Variants in ANO10 observed in about 807,000 individuals in gnomAD.
ANO10 encodes the protein anoctamin 10.
Under a neutral mutation model 74.7 loss-of-function variants are expected in ANO10, and 77 were observed. The observed-to-expected ratio is 1.03, with a 90% CI of 0.86 to 1.25. ANO10 has a LOEUF of 1.25. Ranked by LOEUF, ANO10 falls within the 50% of genes most tolerant of loss-of-function variation. The pLI, the probability that ANO10 is intolerant of heterozygous loss-of-function variation, is 0.00. For synonymous variants in ANO10, 279 were observed against 284.9 expected (o/e 0.98, Z 0.21); for missense variants, 721 against 778.1 (o/e 0.93, Z 0.87).
chr3:43,490,313 TAA>T (rs2076671667), intron 11 of ANO10, among the ~76,000 whole-genome samples: 1 of 152,166 alleles, frequency 6.6e-6, no homozygotes, highest in Non-Finnish European at 1.5e-5. Context: ...CCTGTTGCAA[TAA>T]GTTTCCAGCC....
At chr3:43,487,889 G>A (rs1192754069) in intron 11 of ANO10, among the ~76,000 whole-genome samples, 2 of 151,724 alleles carry the variant, frequency 1.3e-5, no homozygotes, top group Admixed American at 1.3e-4. Flanking sequence ...GAACAAAGCT[G>A]GAGGCATCAC....
rs774369690 is a variant in ANO10 at position 43,561,196 on chromosome 3, T to G, written c.1476+24A>C. The G allele has an allele frequency of 1.9e-6, 3 of 1,612,528 alleles. No individual in the cohort carries two copies. In the Admixed American group the frequency reaches 5.0e-5, roughly 27 times the overall value. On this transcript the variant is annotated intron_variant, in intron 9 of 12. Transcript: ENST00000292246. ...CTATTATTCACTCTCAGTAAATGTT[T>G]AATTCAGCAATATTCCAACTTACCA... is the stretch of plus-strand genomic sequence containing the variant.
chr3:43,442,776 C>G (rs1373591151), intron 11 of ANO10, among the ~76,000 whole-genome samples: 4 of 152,178 alleles, frequency 2.6e-5, no homozygotes, highest in African/African-American at 9.6e-5. Context: ...ACATGAAAAG[C>G]AGAATATATA....
At chr3:43,402,228 G>A (rs906157) in intron 12 of ANO10, among the ~76,000 whole-genome samples, 149,341 of 152,272 alleles carry the variant, frequency 0.98, 73,299 homozygotes, top group East Asian at 1. Context: ...GAAGACTTGA[G>A]GTTGGAAAGA....
At chr3:43,433,736 T>G (rs2093026553) in intron 11 of ANO10, among the ~76,000 whole-genome samples, 1 of 152,204 alleles carries the variant, frequency 6.6e-6, no homozygotes, top group Non-Finnish European at 1.5e-5. Flanking sequence ...GCTGTTCAGA[T>G]GTATAGGCTC....
chr3:43,638,909 T>C (rs766090824), intron 1 of ANO10: 4 of 152,272 alleles, frequency 2.6e-5, no homozygotes, highest in African/African-American at 4.8e-5. Flanking sequence ...TGGCTCAGAA[T>C]TGATCCTGAG....
At chr3:43,622,738 G>T (rs1365614809), upstream of ANO10, among the ~76,000 whole-genome samples, 2 of 152,066 alleles carry the variant, frequency 1.3e-5, no homozygotes, top group Admixed American at 6.5e-5. Context: ...CTCAGTGTTT[G>T]CTGGGCTCTC....
At chr3:43,535,718 A>T (rs2078684267) in intron 11 of ANO10, among the ~76,000 whole-genome samples, 2 of 152,206 alleles carry the variant, frequency 1.3e-5, no homozygotes, top group African/African-American at 4.8e-5. Flanking sequence ...AATGACAGTA[A>T]ATTTTAGTAA....
At chr3:43,426,428 C>T (rs1312567540) in intron 12 of ANO10, among the ~76,000 whole-genome samples, 4 of 152,212 alleles carry the variant, frequency 2.6e-5, no homozygotes, top group African/African-American at 9.6e-5. Flanking sequence ...AAGGGTCCTA[C>T]ACCTAATTTG....
chr3:43,511,978 TG>T (rs2077524384), intron 11 of ANO10, among the ~76,000 whole-genome samples: 1 of 152,184 alleles, frequency 6.6e-6, no homozygotes, highest in Non-Finnish European at 1.5e-5. Context: ...AGCAGAGTCT[TG>T]TCATCTAAAC....
intron 1 of ANO10, among the ~76,000 whole-genome samples, chr3:43,617,740 G>A (rs4682897): frequency 0.64 from 96,722 of 151,796 alleles, 31,612 homozygotes; most frequent in East Asian, 0.89. Flanking sequence ...GAAAAAAAAA[G>A]TCAATGGAAT....
chr3:43,475,479 G>C (rs187421961), intron 11 of ANO10, among the ~76,000 whole-genome samples: 1 of 151,982 alleles, frequency 6.6e-6, no homozygotes, highest in Non-Finnish European at 1.5e-5. Flanking sequence ...AAAAGGGGAG[G>C]CTTTATCCAC....
intron 12 of ANO10, among the ~76,000 whole-genome samples, chr3:43,407,256 A>T (rs531795379): frequency 6.6e-6 from 1 of 152,260 alleles, no homozygotes; most frequent in South Asian, 2.1e-4. Context: ...TTTAATGATG[A>T]GAATACCAAA....
Position 43,577,234 on chromosome 3 carries a change from G to C in ANO10, c.620C>G (p.Thr207Arg). Residue 207 changes from threonine to arginine, a missense_variant, in exon 6 of 13, where the codon ACA becomes AGA. Transcript: ENST00000292246. The part of the protein sequence containing the change: ...IDSIRGYFGE[T>R]IALYFGFLEY... ...CAAAAATCCAAAGTACAGAGCAATT[G>C]TTTCCCCAAAGTAGCCACGAATACT... 1 of 1,614,044 alleles carries C rather than the reference G, an allele frequency of 6.2e-7. No individual in the cohort carries two copies. The highest frequency in any genetic ancestry group is 8.5e-7 in the Non-Finnish European group (1 of 1,180,002).
intron 11 of ANO10, chr3:43,485,229 C>T: frequency 1.5e-6 from 1 of 659,352 alleles, no homozygotes; most frequent in Non-Finnish European, 2.7e-6. Flanking sequence ...GTAGGTGCAG[C>T]TCCGGGAGTC....
intron 1 of ANO10, among the ~76,000 whole-genome samples, chr3:43,656,659 C>T (rs532294350): frequency 5.9e-5 from 9 of 152,332 alleles, no homozygotes; most frequent in East Asian, 1.9e-4. Flanking sequence ...CCTCCGCAGC[C>T]GCTGGCCCGG....
At chr3:43,616,100 A>G (rs1386467088) in intron 1 of ANO10, among the ~76,000 whole-genome samples, 1 of 152,204 alleles carries the variant, frequency 6.6e-6, no homozygotes, top group Non-Finnish European at 1.5e-5. Flanking sequence ...TATGTGAAAT[A>G]AAAGGATCCG....
At chr3:43,588,563 GT>G (rs1476207577) in intron 4 of ANO10, among the ~76,000 whole-genome samples, 1 of 57,920 alleles carries the variant, frequency 1.7e-5, no homozygotes, top group Non-Finnish European at 3.1e-5. Flanking sequence ...AATTTACTTA[GT>G]AAAAAAAAAA....
At chr3:43,485,091 G>A (rs1000129363) in intron 11 of ANO10, 24 of 1,091,266 alleles carry the variant, frequency 2.2e-5, no homozygotes, top group Middle Eastern at 2.9e-4. Context: ...GCCGGCCGGC[G>A]GCACTTGCTG....
Sources: allele counts gnomAD v4.1 joint callset (sites outside exome capture counted in the v4.1 genomes callset), GRCh38; gene constraint gnomAD v4.1.1; transcripts MANE v1.5; gene names NCBI Gene and HGNC (gene_info 2026-07-23, HGNC 2026-07-21).